AUTS2: variants seen among roughly 807,000 people sequenced by gnomAD.
The protein encoded by AUTS2 is autism susceptibility gene 2 protein.
Under a neutral mutation model 112.4 loss-of-function variants are expected in AUTS2, and 17 were observed. The observed-to-expected ratio is 0.15, with a 90% CI of 0.10 to 0.23. AUTS2 has a LOEUF of 0.23. AUTS2 is among the 10% of genes least tolerant of loss of function. AUTS2 has a pLI of 1.00. For synonymous variants in AUTS2, 751 were observed against 702.7 expected, an observed-to-expected ratio of 1.07 and a Z score of -1.09; for missense variants, 1,510 against 1,701.6, an observed-to-expected ratio of 0.89 and a Z score of 1.98.
chr7:69,621,173 G>T (rs771060954), intron 1 of AUTS2, among the ~76,000 whole-genome samples: 3 of 152,140 alleles, frequency 2.0e-5, no homozygotes, highest in African/African-American at 7.2e-5. Context: ...GGTTGGTGCC[G>T]TTTTGATTCC....
intron 3 of AUTS2, among the ~76,000 whole-genome samples, chr7:70,121,507 C>G (rs562011430): frequency 1.8e-4 from 27 of 151,950 alleles, no homozygotes; most frequent in Admixed American, 1.6e-3. Context: ...TAACCTAAAG[C>G]AAAAATGGGC....
At chr7:70,788,756 C>T (rs150803697) in intron 18 of AUTS2, among the ~76,000 whole-genome samples, 2 of 152,352 alleles carry the variant, frequency 1.3e-5, no homozygotes, top group Non-Finnish European at 2.9e-5. Context: ...GGGGAGCCTC[C>T]TGAATACTCT....
chr7:70,299,914 A>T (rs1789127430), intron 4 of AUTS2, among the ~76,000 whole-genome samples: 1 of 152,054 alleles, frequency 6.6e-6, no homozygotes, highest in African/African-American at 2.4e-5. Flanking sequence ...ATTGGAGACC[A>T]TAACATGTAG....
At chr7:69,824,926 G>A (rs2129526786) in intron 1 of AUTS2, among the ~76,000 whole-genome samples, 1 of 152,270 alleles carries the variant, frequency 6.6e-6, no homozygotes, top group Admixed American at 6.5e-5. Flanking sequence ...AAAGACAAAG[G>A]GTTGGTGGGA....
chr7:70,297,627 G>T (rs915322864), intron 4 of AUTS2, among the ~76,000 whole-genome samples: 1 of 151,578 alleles, frequency 6.6e-6, no homozygotes, highest in African/African-American at 2.4e-5. Flanking sequence ...GTAGAGATGG[G>T]GTTTCACCGT....
chr7:70,414,149 C>T (rs897503596), intron 4 of AUTS2, among the ~76,000 whole-genome samples: 4 of 152,132 alleles, frequency 2.6e-5, no homozygotes, highest in Non-Finnish European at 5.9e-5. Flanking sequence ...AGGTTGAGTA[C>T]GATAGCATGG....
At chr7:69,890,757 T>C (rs1794484876) in intron 1 of AUTS2, among the ~76,000 whole-genome samples, 1 of 151,890 alleles carries the variant, frequency 6.6e-6, no homozygotes, top group Non-Finnish European at 1.5e-5. Context: ...CAGGCAGTGC[T>C]CCTCAGTCAA....
At chr7:70,550,398 T>C (rs575141116) in intron 5 of AUTS2, among the ~76,000 whole-genome samples, 1 of 152,286 alleles carries the variant, frequency 6.6e-6, no homozygotes, top group East Asian at 1.9e-4. Context: ...TGAAGATTAA[T>C]AACTAAGCTT....
At position 69,636,489 on chromosome 7, in the gene AUTS2, C is replaced by CA. The variant is rs895785428; in HGVS notation, c.309+36527_309+36528insA. Reference sequence around the variant, plus strand: ...ACCTCAAGTGATCCGCGCCCCCCCCCCCCCTTGGCCTCCCAAAGTGCTAGG... The same window carrying CA: ...ACCTCAAGTGATCCGCGCCCCCCCCCACCCCTTGGCCTCCCAAAGTGCTAGG... On this transcript the variant is annotated intron_variant, in intron 1 of 18. Transcript: ENST00000342771. Among the ~76,000 whole-genome samples the CA allele has an allele frequency of 1.2e-4, 11 of 93,320 alleles. 2 individuals are homozygous for CA. The highest frequency in any genetic ancestry group is 2.0e-4 in the Non-Finnish European group (8 of 39,914). The allele number at this position is 93,320 out of a possible 152,430, so 61.2% of individuals were successfully genotyped here. A position where few individuals can be genotyped will look rare whatever the true frequency, so the allele number is the denominator to read the frequency against.
rs532295491 is a variant in AUTS2, at chr7:69,759,731, C to A, written c.310-139555C>A. Among the ~76,000 whole-genome samples, 97 of 143,090 alleles carry A rather than the reference C, an allele frequency of 6.8e-4. 1 individual carries two copies. Among genetic ancestry groups the A allele is most frequent in the Non-Finnish European group, 1.5e-4 (10 of 66,294 alleles). The allele number at this position is 143,090 out of a possible 152,430, so 93.9% of individuals were successfully genotyped here. A position where few individuals can be genotyped will look rare whatever the true frequency, so the allele number is the denominator to read the frequency against. ...TTATATAATATAGCTTTCATAGCCC[C>A]CACTTTATTTGCTGTTATTTTATTC... On this transcript the variant is annotated intron_variant, in intron 1 of 18. Coordinates refer to ENST00000342771, the MANE Select transcript of AUTS2 (RefSeq NM_015570.4).
chr7:70,545,802 A>T (rs1386762307), intron 5 of AUTS2, among the ~76,000 whole-genome samples: 1 of 152,044 alleles, frequency 6.6e-6, no homozygotes, highest in African/African-American at 2.4e-5. Flanking sequence ...GCATCTTGAC[A>T]TAGGGATGCA....
chr7:70,675,732 TC>T (rs1807876940), intron 5 of AUTS2, among the ~76,000 whole-genome samples: 1 of 152,196 alleles, frequency 6.6e-6, no homozygotes, highest in African/African-American at 2.4e-5. Context: ...CAAAAGCACC[TC>T]TGCAAGCCTT....
intron 2 of AUTS2, among the ~76,000 whole-genome samples, chr7:70,088,162 C>T (rs139276288): frequency 4.6e-5 from 7 of 151,812 alleles, no homozygotes; most frequent in South Asian, 2.1e-4. Flanking sequence ...CTTGCTCTGT[C>T]GCCCAGGCTG....
intron 4 of AUTS2, among the ~76,000 whole-genome samples, chr7:70,281,260 C>G (rs1453038733): frequency 3.9e-5 from 6 of 152,190 alleles, no homozygotes; most frequent in South Asian, 2.1e-4. Flanking sequence ...GTGCCTAGGC[C>G]TGTGTGAATG....
chr7:70,079,373 G>C lies in AUTS2; in HGVS notation c.523-38759G>C, dbSNP rs147888402. The stretch of plus-strand genomic sequence containing the variant: ...AATAATTAGATGGGTATGGTGGCAG[G>C]CTCCTGTAATCCCAACTGCTTGGGA... On this transcript the variant is annotated intron_variant, in intron 2 of 18. Coordinates refer to ENST00000342771, the MANE Select transcript of AUTS2 (RefSeq NM_015570.4). 2.9e-3 allele frequency among the ~76,000 whole-genome samples: 435 copies of C among 152,132 alleles called. 4 individuals carry two copies. Among genetic ancestry groups the C allele is most frequent in the African/African-American group, 9.7e-3 (404 of 41,524 alleles).
chr7:70,595,874 C>G (rs962418160), intron 5 of AUTS2, among the ~76,000 whole-genome samples: 3 of 152,218 alleles, frequency 2.0e-5, no homozygotes, highest in Non-Finnish European at 4.4e-5. Flanking sequence ...CCCTTTCACA[C>G]GGTACTGAGC....
intron 6 of AUTS2, among the ~76,000 whole-genome samples, chr7:70,717,238 G>A (rs189043044): frequency 3.6e-4 from 54 of 151,978 alleles, no homozygotes; most frequent in Admixed American, 1.0e-3. Context: ...TGGAGACACC[G>A]TCTTGCTATG....
At chr7:70,685,883 C>T (rs1808450809) in intron 5 of AUTS2, among the ~76,000 whole-genome samples, 1 of 152,184 alleles carries the variant, frequency 6.6e-6, no homozygotes, top group Non-Finnish European at 1.5e-5. Context: ...GCATCCCTAC[C>T]AGCAATTGCA....
chr7:70,771,405 T>C (rs1790328812), intron 10 of AUTS2, 144 bp from the exon 11 acceptor site: 6 of 582,900 alleles, frequency 1.0e-5, no homozygotes, highest in Non-Finnish European at 1.8e-5. Context: ...TGTGTGATCA[T>C]TCCATCATGG....
Sources: gnomAD v4.1 joint callset for allele counts (sites outside exome capture counted in the v4.1 genomes callset) on GRCh38, gnomAD v4.1.1 for gene constraint, MANE v1.5 for transcripts, NCBI Gene and HGNC (gene_info 2026-07-23, HGNC 2026-07-21) for gene names.